Variants in SLIT1 observed in about 807,000 individuals in gnomAD.
SLIT1 encodes slit guidance ligand 1.
A neutral mutation model predicts 186.1 loss-of-function variants in SLIT1; 66 were observed. The ratio of observed to expected loss-of-function variants is 0.35; its 90% confidence interval spans 0.29 to 0.44. The LOEUF (loss-of-function observed/expected upper bound fraction) is 0.44, where lower values mean the gene tolerates loss of function less well. Among genes scored for constraint, SLIT1 ranks in the 20% least tolerant of loss-of-function variants. SLIT1 has a pLI of 1.00. For missense variants in SLIT1, 1,638 were observed against 2,037.4 expected (o/e 0.80, Z 3.77); for synonymous variants, 761 against 833.8 (o/e 0.91, Z 1.50).
intron 4 of SLIT1, among the ~76,000 whole-genome samples, chr10:97,081,585 G>A (rs999975825): frequency 7.2e-5 from 11 of 152,174 alleles, no homozygotes; most frequent in Non-Finnish European, 1.3e-4. Flanking sequence ...GGAGGGATTG[G>A]AATAGCAAGA....
chr10:97,037,809 T>G (rs369929751), intron 21 of SLIT1, 43 bp from the exon 22 acceptor site: 17 of 1,516,432 alleles, frequency 1.1e-5, no homozygotes, highest in Non-Finnish European at 1.5e-5. Flanking sequence ...TCTCCACCTC[T>G]GGTGGTGCCC....
chr10:97,179,844 G>A (rs546243105), intron 1 of SLIT1, among the ~76,000 whole-genome samples: 1 of 146,064 alleles, frequency 6.8e-6, no homozygotes, highest in African/African-American at 2.5e-5. Context: ...ACTGCCCAAG[G>A]CCTGGCCATC....
At chr10:97,147,635 G>T (rs57945497) in intron 4 of SLIT1, among the ~76,000 whole-genome samples, 19 of 151,902 alleles carry the variant, frequency 1.3e-4, no homozygotes, top group Admixed American at 2.6e-4. Context: ...GAGCTGGGAG[G>T]GGGGGGAAGG....
chr10:97,036,096 C>T (rs1185897200), intron 22 of SLIT1, among the ~76,000 whole-genome samples: 1 of 152,192 alleles, frequency 6.6e-6, no homozygotes, highest in Non-Finnish European at 1.5e-5. Context: ...CACGTCTGCC[C>T]ACTTCATGCG....
At chr10:97,125,520 C>A (rs1366516556) in intron 4 of SLIT1, among the ~76,000 whole-genome samples, 1 of 125,052 alleles carries the variant, frequency 8.0e-6, no homozygotes, top group Admixed American at 9.5e-5. Flanking sequence ...GGTGACAAAG[C>A]GAGACCCTGT....
intron 4 of SLIT1, among the ~76,000 whole-genome samples, chr10:97,093,719 T>A (rs1849257103): frequency 6.6e-6 from 1 of 152,218 alleles, no homozygotes; most frequent in Non-Finnish European, 1.5e-5. Context: ...AGTTTTTCTC[T>A]TATGTAGAGC....
At chr10:97,171,529 C>T (rs193064426) in intron 1 of SLIT1, among the ~76,000 whole-genome samples, 2 of 152,324 alleles carry the variant, frequency 1.3e-5, no homozygotes, top group Non-Finnish European at 2.9e-5. Context: ...AGACAAAAAT[C>T]TCCTTACTGA....
rs1419911876 is a variant in SLIT1, at chr10:97,018,694, A to C, written c.2872-11T>G. ...CTCACAGTCTCGACCCTGGGGGGAAAGTCAGTGATGGGGACCCCAGGGAGA... is the reference window on the plus strand; with the variant it reads ...CTCACAGTCTCGACCCTGGGGGGAACGTCAGTGATGGGGACCCCAGGGAGA... On this transcript the variant is annotated splice_polypyrimidine_tract_variant and intron_variant, in intron 27 of 36. Coordinates refer to ENST00000266058, the MANE Select transcript of SLIT1 (RefSeq NM_003061.3). The C allele has an allele frequency of 6.4e-7, 1 of 1,556,962 alleles. No individual in the cohort carries two copies.
intron 25 of SLIT1, among the ~76,000 whole-genome samples, chr10:97,027,255 C>T (rs953618017): frequency 6.6e-6 from 1 of 152,224 alleles, no homozygotes; most frequent in Non-Finnish European, 1.5e-5. Context: ...CATCCTTTTA[C>T]CGTTCTTCAA....
intron 4 of SLIT1, among the ~76,000 whole-genome samples, chr10:97,100,923 A>G (rs1267020469): frequency 2.6e-5 from 4 of 152,304 alleles, no homozygotes; most frequent in South Asian, 2.1e-4. Flanking sequence ...ATTTCTAGGG[A>G]CGGTGCAGAC....
At chr10:97,084,344 G>A (rs1410242732) in intron 4 of SLIT1, among the ~76,000 whole-genome samples, 1 of 152,176 alleles carries the variant, frequency 6.6e-6, no homozygotes, top group Non-Finnish European at 1.5e-5. Context: ...CCTAGACCAG[G>A]GGTCCCCACC....
chr10:97,092,192 G>A (rs1375777949), intron 4 of SLIT1, among the ~76,000 whole-genome samples: 1 of 152,232 alleles, frequency 6.6e-6, no homozygotes, highest in Non-Finnish European at 1.5e-5. Flanking sequence ...CCTCAAGAGT[G>A]GGCTGCCCAA....
intron 4 of SLIT1, among the ~76,000 whole-genome samples, chr10:97,113,473 G>A (rs1172492513): frequency 6.6e-6 from 1 of 151,354 alleles, no homozygotes; most frequent in Non-Finnish European, 1.5e-5. Flanking sequence ...CCTGACCTCA[G>A]GTGATCCACC....
At position 97,063,498 on chromosome 10, in the gene SLIT1, G is replaced by A. The variant is rs369768203; in HGVS notation, c.750C>T (p.Gly250=). Reference sequence around the variant, plus strand: ...TCTTCTGGACCTCTGCCACATTGAGGCCACGCAGGCTGGCTGGGCCCGAGC... The same window carrying A: ...TCTTCTGGACCTCTGCCACATTGAGACCACGCAGGCTGGCTGGGCCCGAGC... ...TQCSGPASLR[G]LNVAEVQKSE... Residue 250 remains glycine, a synonymous_variant, in exon 8 of 37, where the codon GGC becomes GGT. Coordinates refer to ENST00000266058, the MANE Select transcript of SLIT1 (RefSeq NM_003061.3). The A allele has an allele frequency of 1.2e-6, 2 of 1,612,958 alleles. No individual in the cohort carries two copies. Among genetic ancestry groups the A allele is most frequent in the Non-Finnish European group, 1.7e-6 (2 of 1,179,970 alleles).
At position 97,163,426 on chromosome 10, in the gene SLIT1, C is replaced by T. The variant is rs367879789; in HGVS notation, c.295G>A (p.Ala99Thr). ...TCATCAAAAGCACCACGTTCCACTGCTCCAATCTGGTTCTCCATCAGCTGC... is the reference window on the plus strand; with the variant it reads ...TCATCAAAAGCACCACGTTCCACTGTTCCAATCTGGTTCTCCATCAGCTGC... Reference protein sequence around the residue: ...VLQLMENQIGAVERGAFDDMK... With the variant: ...VLQLMENQIGTVERGAFDDMK... The change falls in exon 3 of 37, where the codon GCA becomes ACA. Residue 99 changes from alanine (A) to threonine (T), a missense_variant. Physicochemically the swap from Ala to Thr is moderately conservative, Grantham distance 58 (BLOSUM62 0). This residue lies in a region of SLIT1 where 1,245 missense variants were observed against 1,535.3 expected (regional missense o/e 0.81). Coordinates refer to ENST00000266058, the MANE Select transcript of SLIT1 (RefSeq NM_003061.3). 4 of 1,614,104 alleles carry T rather than the reference C, an allele frequency of 2.5e-6. No individual in the cohort carries two copies. The highest frequency in any genetic ancestry group is 2.7e-5 in the African/African-American group (2 of 74,946).
intron 11 of SLIT1, 71 bp from the exon 12 acceptor site, chr10:97,057,352 G>T: frequency 7.6e-7 from 1 of 1,309,926 alleles, no homozygotes; most frequent in Non-Finnish European, 1.1e-6. Flanking sequence ...TCTGCAGACG[G>T]CCCCAGCTCA....
At chr10:97,121,005 T>G (rs1215151496) in intron 4 of SLIT1, among the ~76,000 whole-genome samples, 1 of 152,140 alleles carries the variant, frequency 6.6e-6, no homozygotes. Flanking sequence ...ACCAAAACTA[T>G]TAGATGTCAA....
intron 1 of SLIT1, among the ~76,000 whole-genome samples, chr10:97,170,026 A>C (rs1409497629): frequency 6.6e-6 from 1 of 152,216 alleles, no homozygotes; most frequent in Non-Finnish European, 1.5e-5. Context: ...CATGCCTTGG[A>C]CATGAAGAAC....
At chr10:97,075,304 T>A (rs959995041) in intron 4 of SLIT1, among the ~76,000 whole-genome samples, 2 of 152,250 alleles carry the variant, frequency 1.3e-5, no homozygotes, top group African/African-American at 4.8e-5. Context: ...AAAATGGGAA[T>A]AATTATCATA....
Sources: gnomAD v4.1 joint callset for allele counts (sites outside exome capture counted in the v4.1 genomes callset) on GRCh38, gnomAD v4.1.1 for gene constraint, gnomAD v4.1.1 regional missense constraint, MANE v1.5 for transcripts, NCBI Gene and HGNC (gene_info 2026-07-23, HGNC 2026-07-21) for gene names.